Variants in CDC42BPA observed in about 807,000 individuals in gnomAD.
CDC42BPA encodes serine/threonine-protein kinase MRCK alpha.
CDC42BPA carries 80 observed loss-of-function variants against 223.5 expected under a neutral mutation model. That is an observed-to-expected ratio of 0.36 (90% confidence interval 0.30 to 0.43). CDC42BPA has a LOEUF of 0.43. Ranked by LOEUF, CDC42BPA falls within the 20% of genes least tolerant of loss-of-function variation. The pLI is 1.00. For missense variants in CDC42BPA, 1,743 were observed against 2,099.9 expected (o/e 0.83, Z 3.32); for synonymous variants, 694 against 718.6 (o/e 0.97, Z 0.55).
chr1:227,001,875 C>T (rs111562494), intron 35 of CDC42BPA, among the ~76,000 whole-genome samples: 44 of 151,520 alleles, frequency 2.9e-4, no homozygotes, highest in Non-Finnish European at 5.6e-4. Context: ...CCACTGCACT[C>T]GAGCTTGGCC....
chr1:227,135,359 T>C (rs1026385441), intron 10 of CDC42BPA, among the ~76,000 whole-genome samples: 2 of 152,144 alleles, frequency 1.3e-5, no homozygotes, highest in African/African-American at 4.8e-5. Context: ...AAAGAGCTGC[T>C]TGAGGAAGAG....
intron 34 of CDC42BPA, among the ~76,000 whole-genome samples, chr1:227,011,696 A>AT (rs1558278013): frequency 2.0e-5 from 3 of 152,364 alleles, no homozygotes; most frequent in East Asian, 3.9e-4. Flanking sequence ...GTTCAGGTAT[A>AT]TTTTTTAAAA....
intron 32 of CDC42BPA, among the ~76,000 whole-genome samples, chr1:227,021,957 T>C (rs936217577): frequency 3.3e-5 from 5 of 150,940 alleles, no homozygotes; most frequent in Admixed American, 6.6e-5. Context: ...GAGGCAGAGG[T>C]TGCAGTGAGC....
intron 4 of CDC42BPA, among the ~76,000 whole-genome samples, chr1:227,194,624 C>T (rs1322257778): frequency 6.6e-6 from 1 of 152,116 alleles, no homozygotes; most frequent in Non-Finnish European, 1.5e-5. Context: ...AAACTGTTCA[C>T]TGAGATTCTG....
At chr1:227,308,176 T>C (rs900129646) in intron 1 of CDC42BPA, among the ~76,000 whole-genome samples, 4 of 152,220 alleles carry the variant, frequency 2.6e-5, no homozygotes, top group Non-Finnish European at 4.4e-5. Context: ...TACCAATAAA[T>C]GGCATTTTAA....
chr1:227,128,399 G>A (rs1474863951), intron 11 of CDC42BPA, among the ~76,000 whole-genome samples: 1 of 152,020 alleles, frequency 6.6e-6, no homozygotes, highest in African/African-American at 2.4e-5. Flanking sequence ...TATTTTTAAA[G>A]CACTTATTAC....
intron 15 of CDC42BPA, 54 bp from the exon 16 acceptor site, chr1:227,092,045 A>G: frequency 1.0e-6 from 1 of 985,812 alleles, no homozygotes; most frequent in Non-Finnish European, 1.5e-6. Context: ...TCATTTGAAA[A>G]CTTGAAATTA....
chr1:227,006,109 G>T (rs1020971326), intron 34 of CDC42BPA, among the ~76,000 whole-genome samples: 6 of 151,716 alleles, frequency 4.0e-5, no homozygotes, highest in African/African-American at 1.5e-4. Flanking sequence ...ACACTCATAA[G>T]GCTTTTCTCC....
At chr1:227,274,061 A>T (rs1475254630) in intron 1 of CDC42BPA, among the ~76,000 whole-genome samples, 1 of 150,702 alleles carries the variant, frequency 6.6e-6, no homozygotes, top group Non-Finnish European at 1.5e-5. Flanking sequence ...TGAGAGAAAT[A>T]GTCTTACAGA....
rs530451285 is a variant in CDC42BPA, at chr1:227,286,797, G to A, written c.178+30208C>T. ...CATGGCACCAGCATCTGTTTATGGTGAGGGCTTCAAGAAGCTTTCATTCAT... is the reference window on the plus strand; with the variant it reads ...CATGGCACCAGCATCTGTTTATGGTAAGGGCTTCAAGAAGCTTTCATTCAT... On this transcript the variant is annotated intron_variant, in intron 1 of 36. Transcript: ENST00000366766. 6.6e-5 allele frequency among the ~76,000 whole-genome samples: 10 copies of A among 152,296 alleles called. No individual in the cohort carries two copies. The South Asian group carries it at 1.9e-3, about 28-fold the overall frequency.
chr1:227,028,135 A>AG (rs1005022144), intron 30 of CDC42BPA, among the ~76,000 whole-genome samples: 1 of 151,574 alleles, frequency 6.6e-6, no homozygotes, highest in Non-Finnish European at 1.5e-5. Context: ...AAAAAAAAAA[A>AG]GTATTCAATA....
intron 16 of CDC42BPA, among the ~76,000 whole-genome samples, chr1:227,086,320 C>T (rs1486443783): frequency 1.3e-5 from 2 of 152,128 alleles, no homozygotes. Flanking sequence ...GGGGACTATG[C>T]TTTCAATTCT....
At chr1:226,999,152 TG>T (rs992466478) in intron 35 of CDC42BPA, among the ~76,000 whole-genome samples, 3 of 151,110 alleles carry the variant, frequency 2.0e-5, no homozygotes, top group African/African-American at 7.3e-5. Flanking sequence ...CAACAGATTC[TG>T]GAGAGGATGT....
At chr1:227,167,347 T>G (rs1344030225) in intron 5 of CDC42BPA, among the ~76,000 whole-genome samples, 2 of 152,198 alleles carry the variant, frequency 1.3e-5, no homozygotes, top group Non-Finnish European at 2.9e-5. Context: ...CTATTCATTA[T>G]GCAGAAAATA....
intron 14 of CDC42BPA, among the ~76,000 whole-genome samples, chr1:227,107,134 T>G (rs1219197190): frequency 6.6e-6 from 1 of 152,226 alleles, no homozygotes; most frequent in Non-Finnish European, 1.5e-5. Context: ...TACATAACTT[T>G]AGGTAGTAGT....
Position 227,318,299 on chromosome 1 carries a change from CAGG to C in CDC42BPA, c.-1120_-1118del, listed in dbSNP as rs1257608183. ...CAGCGAGGAGGGAGGCGGCCCGGCG[CAGG>C]AGGAGGGGTCGCTTCCGCGGCTGAG... On this transcript the variant is annotated 5_prime_UTR_variant, in exon 1 of 37. Transcript: ENST00000366766. 2 of 152,606 alleles carry C rather than the reference CAGG, an allele frequency of 1.3e-5. No individual in the cohort carries two copies. The highest frequency in any genetic ancestry group is 2.4e-5 in the African/African-American group (1 of 41,278). The allele number at this position is 152,606 out of a possible 1,614,324, so 9.5% of individuals were successfully genotyped here.
chr1:227,075,211 A>G (rs1225343697), intron 17 of CDC42BPA, among the ~76,000 whole-genome samples: 2 of 152,214 alleles, frequency 1.3e-5, no homozygotes, highest in Admixed American at 1.3e-4. Context: ...TATTCTAAAC[A>G]CACTTTGGGG....
At chr1:227,260,281 T>G (rs1683814765) in intron 1 of CDC42BPA, among the ~76,000 whole-genome samples, 1 of 151,142 alleles carries the variant, frequency 6.6e-6, no homozygotes, top group Admixed American at 6.6e-5. Context: ...CAAAGTATGT[T>G]TCTATGTGAG....
At chr1:227,130,216 G>A (rs978843700) in intron 10 of CDC42BPA, among the ~76,000 whole-genome samples, 1 of 152,076 alleles carries the variant, frequency 6.6e-6, no homozygotes, top group Non-Finnish European at 1.5e-5. Context: ...CACATAATAA[G>A]TCTCTCCCTT....
Sources: allele counts gnomAD v4.1 joint callset (sites outside exome capture counted in the v4.1 genomes callset), GRCh38; gene constraint gnomAD v4.1.1; transcripts MANE v1.5; gene names NCBI Gene and HGNC (gene_info 2026-07-23, HGNC 2026-07-21).